Variants in TRHDE observed in about 807,000 individuals in gnomAD.
TRHDE encodes thyrotropin-releasing hormone-degrading ectoenzyme.
Under a neutral mutation model 125.7 loss-of-function variants are expected in TRHDE, and 72 were observed. The observed-to-expected ratio is 0.57, with a 90% CI of 0.47 to 0.70. TRHDE has a LOEUF of 0.70. Ranked by LOEUF, TRHDE falls within the 30% of genes least tolerant of loss-of-function variation. TRHDE has a pLI of 0.00. For synonymous variants in TRHDE, 509 were observed against 509.1 expected, an observed-to-expected ratio of 1.00 and a Z score of 0.00; for missense variants, 1,110 against 1,327.1, an observed-to-expected ratio of 0.84 and a Z score of 2.54.
At chr12:72,585,527 G>A (rs902194465) in intron 12 of TRHDE, among the ~76,000 whole-genome samples, 4 of 152,116 alleles carry the variant, frequency 2.6e-5, no homozygotes, top group African/African-American at 9.7e-5. Context: ...CCTTTCCTAG[G>A]CTGCGCCAAA....
At chr12:72,214,838 AC>A (rs1877851950) in intron 2 of TRHDE, among the ~76,000 whole-genome samples, 1 of 152,226 alleles carries the variant, frequency 6.6e-6, no homozygotes, top group Admixed American at 6.5e-5. Flanking sequence ...GGCCAAAGAA[AC>A]AAAATATTTT....
chr12:72,540,464 T>C (rs1479913320), intron 6 of TRHDE, among the ~76,000 whole-genome samples: 1 of 151,698 alleles, frequency 6.6e-6, no homozygotes, highest in Non-Finnish European at 1.5e-5. Context: ...ATAGTTTTTA[T>C]AAACTGACAA....
chr12:72,490,164 G>A lies in TRHDE; in HGVS notation c.1585-9334G>A, dbSNP rs542331411. On this transcript the variant is annotated intron_variant, in intron 5 of 18. Transcript: ENST00000261180. ...ATAGTAGAAAAAATAATTGAAAAAT[G>A]AGCAGAAGACCAGAATAGACATGTC... is the stretch of plus-strand genomic sequence containing the variant. Among the ~76,000 whole-genome samples, 424 of 151,844 alleles carry A rather than the reference G, an allele frequency of 2.8e-3. 1 individual carries two copies. Among genetic ancestry groups the A allele is most frequent in the African/African-American group, 9.5e-3 (395 of 41,508 alleles).
chr12:72,211,044 A>C (rs961585254), intron 2 of TRHDE, among the ~76,000 whole-genome samples: 22 of 151,992 alleles, frequency 1.4e-4, no homozygotes, highest in Non-Finnish European at 8.8e-5. Context: ...CCTAGACCTG[A>C]CTCCTGTATT....
At chr12:72,584,056 G>A (rs1359022735) in intron 12 of TRHDE, among the ~76,000 whole-genome samples, 1 of 145,928 alleles carries the variant, frequency 6.9e-6, no homozygotes, top group Non-Finnish European at 1.5e-5. Flanking sequence ...CTCAGCCTCC[G>A]GAGTAGCTGG....
rs148640077 is a variant in TRHDE at position 72,205,256 on chromosome 12, C to G, written n.279+99504C>G. Reference sequence around the variant, plus strand: ...TGAAAACTCAGGTCAAATGCTGCCACGGCTCTGAAGCTATAATCCTCTGAA... The same window carrying G: ...TGAAAACTCAGGTCAAATGCTGCCAGGGCTCTGAAGCTATAATCCTCTGAA... On this transcript the variant is annotated intron_variant and non_coding_transcript_variant, in intron 2 of 4. Transcript: ENST00000548156. Among the ~76,000 whole-genome samples the G allele has an allele frequency of 1.4e-3, 219 of 152,028 alleles. 1 individual carries two copies. Among genetic ancestry groups the G allele is most frequent in the African/African-American group, 5.0e-3 (206 of 41,456 alleles).
At chr12:72,454,195 T>TA (rs544773218) in intron 3 of TRHDE, among the ~76,000 whole-genome samples, 21 of 151,962 alleles carry the variant, frequency 1.4e-4, no homozygotes, top group African/African-American at 2.7e-4. Context: ...TGTTTTTTTT[T>TA]AAAAAAAATA....
Position 72,607,513 on chromosome 12 carries a change from T to C in TRHDE, c.2322-11378T>C, listed in dbSNP as rs201589426. Among the ~76,000 whole-genome samples, 3 of 72,346 alleles carry C rather than the reference T, an allele frequency of 4.1e-5. No individual in the cohort carries two copies. The African/African-American group carries it at 5.3e-4, about 13-fold the overall frequency. The allele number at this position is 72,346 out of a possible 152,430, so 47.5% of individuals were successfully genotyped here. On this transcript the variant is annotated intron_variant, in intron 12 of 18. Transcript: ENST00000261180. Reference sequence around the variant, plus strand: ...TACTATTTGGCAACCAGTGATACAGTTTTTTTTAAAAAGTCAGAATAAATC... The same window carrying C: ...TACTATTTGGCAACCAGTGATACAGCTTTTTTTAAAAAGTCAGAATAAATC...
At chr12:72,236,354 A>G (rs1878337334) in intron 2 of TRHDE, among the ~76,000 whole-genome samples, 1 of 151,958 alleles carries the variant, frequency 6.6e-6, no homozygotes, top group Admixed American at 6.6e-5. Context: ...GTTCAATCAC[A>G]TCAAAGAAAA....
chr12:72,630,864 G>A (rs1446674397), intron 15 of TRHDE, among the ~76,000 whole-genome samples: 1 of 142,920 alleles, frequency 7.0e-6, no homozygotes, highest in African/African-American at 2.6e-5. Flanking sequence ...ATAATATATG[G>A]AAATTTCCCT....
rs1172895803 is a variant in TRHDE, at chr12:72,652,423, C to T, written c.2777C>T (p.Ala926Val). The T allele has an allele frequency of 6.2e-7, 1 of 1,607,892 alleles. No individual in the cohort carries two copies. The highest frequency in any genetic ancestry group is 8.5e-7 in the Non-Finnish European group (1 of 1,176,680). ...FIWMKFHSTTAVSEKKILLEA... is the reference protein window; with the variant it reads ...FIWMKFHSTTVVSEKKILLEA... ...TGGATGAAATTCCATTCCACCACAG[C>T]AGTTTCTGAGAAGAAAATATTATTG... The change falls in exon 16 of 19, where the codon GCA (alanine) becomes GTA (valine). Residue 926 changes from alanine to valine, a missense_variant. Physicochemically the swap from Ala to Val is moderately conservative, Grantham distance 64. This residue lies in a region of TRHDE where 527 missense variants were observed against 651.8 expected (regional missense o/e 0.81). Transcript: ENST00000261180.
intron 5 of TRHDE, 61 bp from the exon 6 acceptor site, chr12:72,499,437 A>T (rs1034198102): frequency 9.6e-5 from 150 of 1,568,094 alleles, no homozygotes; most frequent in Non-Finnish European, 1.2e-4. Context: ...TGTTCATGTC[A>T]TCATATACAT....
Position 72,542,980 on chromosome 12 carries a change from A to G in TRHDE, c.1788+624A>G, listed in dbSNP as rs114653916. 4.3e-3 allele frequency among the ~76,000 whole-genome samples: 649 copies of G among 151,468 alleles called. 2 individuals are homozygous for G. Among genetic ancestry groups the G allele is most frequent in the African/African-American group, 0.014 (596 of 41,466 alleles). On this transcript the variant is annotated intron_variant, in intron 7 of 18. Transcript: ENST00000261180. ...CTTAAAGCAGACACAAGTATACTGA[A>G]AAAACTTTTATTCCATTGAATCTGC...
intron 2 of TRHDE, among the ~76,000 whole-genome samples, chr12:72,311,717 T>C (rs184582973): frequency 6.6e-5 from 10 of 152,270 alleles, no homozygotes; most frequent in Admixed American, 4.6e-4. Flanking sequence ...AGTGTCATAG[T>C]TGAGTCAGTA....
intron 7 of TRHDE, among the ~76,000 whole-genome samples, chr12:72,552,078 C>T (rs968590172): frequency 2.0e-5 from 3 of 152,206 alleles, no homozygotes; most frequent in South Asian, 2.1e-4. Context: ...CCATGCATTG[C>T]CCAATAGTCT....
chr12:72,340,956 G>A (rs1021936336), intron 2 of TRHDE, among the ~76,000 whole-genome samples: 4 of 151,994 alleles, frequency 2.6e-5, no homozygotes, highest in African/African-American at 9.7e-5. Flanking sequence ...ATACGGGAGT[G>A]GGCAGTGACT....
At chr12:72,620,454 C>T (rs78692160) in intron 13 of TRHDE, among the ~76,000 whole-genome samples, 2,020 of 150,958 alleles carry the variant, frequency 0.013, 46 homozygotes, top group African/African-American at 0.047. Flanking sequence ...ATCTGAGAGG[C>T]GGAGGATGCA....
Position 72,509,509 on chromosome 12 carries a change from T to C in TRHDE, c.1722+9874T>C, listed in dbSNP as rs539313003. 2.6e-5 allele frequency among the ~76,000 whole-genome samples: 4 copies of C among 152,296 alleles called. No homozygotes were observed. The South Asian group carries it at 6.2e-4, about 24-fold the overall frequency. On this transcript the variant is annotated intron_variant, in intron 6 of 18. Transcript: ENST00000261180. ...TCCTTCCCACATGAGGGCCTTTGAA[T>C]TGGCCTTTCTCGTTGTAGGAAAAAT...
chr12:72,560,470 A>G (rs2136008478), intron 7 of TRHDE: 1 of 152,322 alleles, frequency 6.6e-6, no homozygotes, highest in South Asian at 2.1e-4. Context: ...CACTACCCAT[A>G]AACAGAACCT....
Sources: gnomAD v4.1 joint callset for allele counts (sites outside exome capture counted in the v4.1 genomes callset) on GRCh38, gnomAD v4.1.1 for gene constraint, gnomAD v4.1.1 regional missense constraint, MANE v1.5 for transcripts, NCBI Gene and HGNC (gene_info 2026-07-23, HGNC 2026-07-21) for gene names.